The following GRAMD1B variants were observed in gnomAD, a reference collection of about 807,000 sequenced individuals.
The protein encoded by GRAMD1B is protein Aster-B.
GRAMD1B carries 37 observed loss-of-function variants against 99.7 expected under a neutral mutation model. The observed-to-expected ratio is 0.37, with a 90% confidence interval of 0.29 to 0.49. The LOEUF (loss-of-function observed/expected upper bound fraction) is 0.49. Ranked by LOEUF, GRAMD1B falls within the 20% of genes least tolerant of loss-of-function variation. GRAMD1B has a pLI of 0.98. For synonymous variants in GRAMD1B, 427 were observed against 387.6 expected (o/e 1.10, Z -1.19); for missense variants, 888 against 1,009.2 (o/e 0.88, Z 1.63).
At chr11:123,469,235 C>T (rs946619890) in intron 1 of GRAMD1B, among the ~76,000 whole-genome samples, 7 of 151,846 alleles carry the variant, frequency 4.6e-5, no homozygotes, top group Non-Finnish European at 7.4e-5. Flanking sequence ...GGAACTTGCT[C>T]GGAAATCATG....
intron 2 of GRAMD1B, among the ~76,000 whole-genome samples, chr11:123,537,659 G>A (rs900394001): frequency 2.0e-5 from 3 of 152,260 alleles, no homozygotes; most frequent in African/African-American, 4.8e-5. Flanking sequence ...TCTACTTCAC[G>A]TTCTTGCTTT....
intron 2 of GRAMD1B, among the ~76,000 whole-genome samples, chr11:123,485,074 G>A (rs1479797193): frequency 6.6e-6 from 1 of 152,178 alleles, no homozygotes; most frequent in Non-Finnish European, 1.5e-5. Context: ...TCTTCGTAAT[G>A]CCCCTGGGTG....
intron 2 of GRAMD1B, among the ~76,000 whole-genome samples, chr11:123,485,255 T>C (rs1041251934): frequency 6.6e-6 from 1 of 152,212 alleles, no homozygotes; most frequent in Non-Finnish European, 1.5e-5. Context: ...TTTCTTCTAT[T>C]TTAAAGATTC....
intron 9 of GRAMD1B, among the ~76,000 whole-genome samples, chr11:123,604,612 A>G (rs910852818): frequency 2.0e-5 from 3 of 152,246 alleles, no homozygotes; most frequent in Non-Finnish European, 4.4e-5. Context: ...GTCTGGGCTC[A>G]GTCGAAATAA....
At position 123,548,324 on chromosome 11, in the gene GRAMD1B, A is replaced by G. The variant is rs1312945673; in HGVS notation, c.453-29043A>G. Among the ~76,000 whole-genome samples the G allele has an allele frequency of 6.2e-3, 669 of 108,686 alleles. 15 individuals are homozygous for G. The highest frequency in any genetic ancestry group is 0.027 in the African/African-American group (568 of 21,076). 71.3% of individuals were successfully genotyped at this position (108,686 alleles called of 152,430 possible). A position where few individuals can be genotyped will look rare whatever the true frequency, so the allele number is the denominator to read the frequency against. ...TATATATATATATATATATATATAT[A>G]TACACACACACACACACACACACAC... is the stretch of plus-strand genomic sequence containing the variant. On this transcript the variant is annotated intron_variant, in intron 2 of 19. Transcript: ENST00000635736.
intron 2 of GRAMD1B, among the ~76,000 whole-genome samples, chr11:123,512,144 A>G (rs1941087610): frequency 6.6e-6 from 1 of 152,168 alleles, no homozygotes; most frequent in African/African-American, 2.4e-5. Flanking sequence ...TGCTTGTACT[A>G]CCTTGACAGT....
At chr11:123,461,085 A>G (rs1950392163) in intron 1 of GRAMD1B, among the ~76,000 whole-genome samples, 1 of 152,182 alleles carries the variant, frequency 6.6e-6, no homozygotes, top group Non-Finnish European at 1.5e-5. Flanking sequence ...GCCAGTTGGG[A>G]AGCCATAGTC....
At chr11:123,377,696 G>T (rs753802098) in intron 1 of GRAMD1B, among the ~76,000 whole-genome samples, 3 of 152,220 alleles carry the variant, frequency 2.0e-5, no homozygotes, top group Non-Finnish European at 4.4e-5. Context: ...CTTCCTGCAA[G>T]TAACATTCAG....
At chr11:123,530,199 A>AC (rs1555056963) in intron 2 of GRAMD1B, among the ~76,000 whole-genome samples, 20 of 145,768 alleles carry the variant, frequency 1.4e-4, no homozygotes, top group African/African-American at 5.0e-4. Flanking sequence ...GGGAGGGTCC[A>AC]TTTTTTTTTT....
At chr11:123,408,695 T>C (rs780750027) in intron 1 of GRAMD1B, among the ~76,000 whole-genome samples, 5 of 152,270 alleles carry the variant, frequency 3.3e-5, no homozygotes. Flanking sequence ...TAGGCACTCA[T>C]GGGTAGTGAG....
chr11:123,584,422 C>CT (rs1156390659), intron 4 of GRAMD1B, 90 bp downstream of exon 4: 1 of 566 alleles, frequency 1.8e-3, no homozygotes, highest in Admixed American at 0.015. Context: ...TGCGGTTGGG[C>CT]TTTCCTGTGG....
At chr11:123,371,433 T>TG (rs1420681266) in intron 1 of GRAMD1B, among the ~76,000 whole-genome samples, 9 of 151,760 alleles carry the variant, frequency 5.9e-5, no homozygotes, top group Admixed American at 1.3e-4. Context: ...AACCACAGAA[T>TG]TTTTTTTTAA....
intron 1 of GRAMD1B, among the ~76,000 whole-genome samples, chr11:123,368,275 A>AAAAAAAAAAAAAAAAAAAAGAAAG (rs60644137): frequency 7.9e-6 from 1 of 127,112 alleles, no homozygotes; most frequent in African/African-American, 3.6e-5. Context: ...AAAAAAAAAA[A>AAAAAAAAAAAAAAAAAAAAGAAAG]AAAGAAAGAA....
At chr11:123,399,482 A>G (rs754926364) in intron 1 of GRAMD1B, among the ~76,000 whole-genome samples, 1 of 151,936 alleles carries the variant, frequency 6.6e-6, no homozygotes, top group South Asian at 2.1e-4. Flanking sequence ...ACAGTATTTT[A>G]TTTATTTATT....
At chr11:123,431,488 C>G (rs1948887140) in intron 1 of GRAMD1B, among the ~76,000 whole-genome samples, 2 of 152,242 alleles carry the variant, frequency 1.3e-5, no homozygotes, top group Admixed American at 1.3e-4. Flanking sequence ...TGAGCCCTTA[C>G]CATGTGCGGG....
chr11:123,613,231 C>A, intron 15 of GRAMD1B: 1 of 576,396 alleles, frequency 1.7e-6, no homozygotes, highest in East Asian at 2.8e-5. Flanking sequence ...CATGAGGGTG[C>A]AGATATTGGG....
At chr11:123,486,416 G>A (rs1465055475) in intron 2 of GRAMD1B, among the ~76,000 whole-genome samples, 1 of 152,144 alleles carries the variant, frequency 6.6e-6, no homozygotes, top group Non-Finnish European at 1.5e-5. Context: ...GGGCATGGTG[G>A]CATGCGCCTG....
chr11:123,599,066 C>T (rs1951637369), intron 7 of GRAMD1B: 1 of 1,020,252 alleles, frequency 9.8e-7, no homozygotes, highest in Non-Finnish European at 1.6e-6. Flanking sequence ...CATCTGTGAA[C>T]TCCACCGAGT....
At chr11:123,425,439 T>C (rs1455065254), upstream of GRAMD1B, among the ~76,000 whole-genome samples, 1 of 152,212 alleles carries the variant, frequency 6.6e-6, no homozygotes, top group Non-Finnish European at 1.5e-5. Flanking sequence ...TGTGCCTTGG[T>C]ATCCTTGGTG....
Sources: allele counts gnomAD v4.1 joint callset (sites outside exome capture counted in the v4.1 genomes callset), GRCh38; gene constraint gnomAD v4.1.1; transcripts MANE v1.5; gene names NCBI Gene and HGNC (gene_info 2026-07-23, HGNC 2026-07-21).